The following CFAP77 variants were observed in gnomAD, a reference collection of about 807,000 sequenced individuals.
The protein encoded by CFAP77 is cilia and flagella associated protein 77, also known as cilia- and flagella-associated protein 77.
A neutral mutation model predicts 31.1 loss-of-function variants in CFAP77; 25 were observed. The observed-to-expected ratio is 0.80, with a 90% CI of 0.59 to 1.12. CFAP77 has a LOEUF of 1.12. CFAP77 is among the 50% of genes most tolerant of loss of function. CFAP77 has a pLI of 0.00. For synonymous variants in CFAP77, 151 were observed against 159.9 expected (o/e 0.94, Z 0.42); for missense variants, 377 against 397.3 (o/e 0.95, Z 0.44).
At position 132,480,882 on chromosome 9, in the gene CFAP77, A is replaced by G. The variant is rs1408581785; in HGVS notation, c.196-17813A>G. 1.3e-5 allele frequency among the ~76,000 whole-genome samples: 2 copies of G among 152,124 alleles called. No homozygotes were observed. The highest frequency in any genetic ancestry group is 2.4e-5 in the African/African-American group (1 of 41,430). On this transcript the variant is annotated intron_variant, in intron 1 of 5. Coordinates refer to ENST00000393216, the MANE Select transcript of CFAP77 (RefSeq NM_001282957.2). The surrounding 1 kb of genome is among the most constrained non-coding windows in gnomAD (Gnocchi z 5.8). ...GAGCGAGAGGGCATAAGATGAGGCC[A>G]AGGCTAGGAGCAGAGGTGCCCCCAT...
intron 3 of CFAP77, among the ~76,000 whole-genome samples, chr9:132,506,203 G>T (rs1195349262): frequency 6.6e-6 from 1 of 152,176 alleles, no homozygotes; most frequent in South Asian, 2.1e-4. Context: ...CAGAATTCAA[G>T]TCAGGGAAGA....
intron 3 of CFAP77, among the ~76,000 whole-genome samples, chr9:132,510,376 CG>C (rs1852014848): frequency 1.3e-5 from 2 of 152,242 alleles, no homozygotes; most frequent in African/African-American, 4.8e-5. Context: ...CTGGCCCGGC[CG>C]TGGGCCTCTT....
rs149706600 is a variant in CFAP77 at position 132,499,559 on chromosome 9, G to A, written c.483G>A (p.Pro161=). ...ATGACCGGCGCATGAAGAAAGAGCCGCCCCCTCTCCCTCCAAACATGACAT... is the reference window on the plus strand; with the variant it reads ...ATGACCGGCGCATGAAGAAAGAGCCACCCCCTCTCCCTCCAAACATGACAT... ...DQDDRRMKKE[P]PPLPPNMTFG... is the part of the protein sequence containing the mutation. Residue 161 remains proline, a synonymous_variant, in exon 3 of 6, where the codon CCG becomes CCA. Coordinates refer to ENST00000393216, the MANE Select transcript of CFAP77 (RefSeq NM_001282957.2). This position sits in a 1 kb window ranked among gnomAD's most constrained non-coding sequence, Gnocchi z 5.4. 3.4e-4 allele frequency: 545 copies of A among 1,614,194 alleles called. No individual in the cohort carries two copies. The African/African-American group carries it at 5.4e-3, about 16-fold the overall frequency.
At chr9:132,512,739 G>A (rs1474181849) in intron 3 of CFAP77, among the ~76,000 whole-genome samples, 1 of 152,202 alleles carries the variant, frequency 6.6e-6, no homozygotes, top group Non-Finnish European at 1.5e-5. Context: ...CTAAGGTCAG[G>A]AGTTTGAAAC....
intron 5 of CFAP77, among the ~76,000 whole-genome samples, chr9:132,560,691 G>A (rs1297480474): frequency 6.6e-6 from 1 of 152,188 alleles, no homozygotes; most frequent in Non-Finnish European, 1.5e-5. Context: ...TCACTTAGTA[G>A]CTGGGTGTCC....
At chr9:132,430,668 A>G (rs1850397149) in intron 1 of CFAP77, among the ~76,000 whole-genome samples, 1 of 152,196 alleles carries the variant, frequency 6.6e-6, no homozygotes, top group East Asian at 1.9e-4. Context: ...ACCTCAGTCA[A>G]TATGTCAGAA....
chr9:132,533,896 G>GAAAAGA lies in CFAP77; in HGVS notation c.525-3697_525-3692dup, dbSNP rs1333947672. 1.1e-3 allele frequency among the ~76,000 whole-genome samples: 173 copies of GAAAAGA among 152,194 alleles called. 1 individual carries two copies. The highest frequency in any genetic ancestry group is 4.1e-3 in the African/African-American group (169 of 41,544). ...ACTCTATCTCAAAAAGAAAAAAAAG[G>GAAAAGA]AAAAGAAAAAGAAGTAATTTGACAA... On this transcript the variant is annotated intron_variant, in intron 3 of 5. Transcript: ENST00000393216.
At chr9:132,443,402 T>C (rs1207577658) in intron 1 of CFAP77, among the ~76,000 whole-genome samples, 1 of 152,040 alleles carries the variant, frequency 6.6e-6, no homozygotes, top group Non-Finnish European at 1.5e-5. Flanking sequence ...TACAGGCATG[T>C]GCTACCACAC....
chr9:132,440,440 C>G (rs1339491950), intron 1 of CFAP77, among the ~76,000 whole-genome samples: 1 of 152,142 alleles, frequency 6.6e-6, no homozygotes, highest in African/African-American at 2.4e-5. Flanking sequence ...CTCATCAAAT[C>G]CTCTTAACAA....
intron 1 of CFAP77, among the ~76,000 whole-genome samples, chr9:132,449,417 G>C (rs1850784064): frequency 6.6e-6 from 1 of 150,626 alleles, no homozygotes; most frequent in South Asian, 2.1e-4. Context: ...GATATAAATG[G>C]AGCCATAGAG....
At position 132,499,496 on chromosome 9, in the gene CFAP77, C is replaced by T. The variant is rs894847836; in HGVS notation, c.420C>T (p.Leu140=). Reference sequence around the variant, plus strand: ...TGGTGACTGCCCGGGAGAACTTGCTCTACCGTCAGCTCAATGACATCCGCA... The same window carrying T: ...TGGTGACTGCCCGGGAGAACTTGCTTTACCGTCAGCTCAATGACATCCGCA... ...AGLVTARENL[L]YRQLNDIRIS... is the part of the protein sequence containing the mutation. The change falls in exon 3 of 6, where the codon CTC becomes CTT. Residue 140 remains leucine (L), a synonymous_variant. Transcript: ENST00000393216. The surrounding 1 kb of genome is among the most constrained non-coding windows in gnomAD (Gnocchi z 5.4). 1.2e-6 allele frequency: 2 copies of T among 1,614,210 alleles called. No homozygotes were observed. The highest frequency in any genetic ancestry group is 1.7e-6 in the Non-Finnish European group (2 of 1,180,040).
chr9:132,497,193 T>C lies in CFAP77; in HGVS notation c.196-1502T>C, dbSNP rs1053379473. On this transcript the variant is annotated intron_variant, in intron 1 of 5. Coordinates refer to ENST00000393216, the MANE Select transcript of CFAP77 (RefSeq NM_001282957.2). The surrounding 1 kb of genome is among the most constrained non-coding windows in gnomAD (Gnocchi z 4.9). ...GCAAAGCTGCAGGGCTGGGTGGGGTTGGAGGGTGCAGGGCCTGGACTGCCA... is the reference window on the plus strand; with the variant it reads ...GCAAAGCTGCAGGGCTGGGTGGGGTCGGAGGGTGCAGGGCCTGGACTGCCA... Among the ~76,000 whole-genome samples, 1 of 151,658 alleles carries C rather than the reference T, an allele frequency of 6.6e-6. No homozygotes were observed. The highest frequency in any genetic ancestry group is 1.5e-5 in the Non-Finnish European group (1 of 67,948).
intron 5 of CFAP77, among the ~76,000 whole-genome samples, chr9:132,561,365 T>TC (rs138399407): frequency 0.052 from 7,877 of 151,134 alleles, 275 homozygotes; most frequent in Non-Finnish European, 0.082. Context: ...AAATCTGTTT[T>TC]CCCCCCCCAA....
chr9:132,568,029 T>A (rs1829907372), intron 5 of CFAP77, among the ~76,000 whole-genome samples: 1 of 152,118 alleles, frequency 6.6e-6, no homozygotes, highest in Non-Finnish European at 1.5e-5. Flanking sequence ...CTGGGAGTCA[T>A]GGTTCAGCTC....
intron 1 of CFAP77, among the ~76,000 whole-genome samples, chr9:132,449,200 G>A (rs999414524): frequency 6.6e-6 from 1 of 152,120 alleles, no homozygotes; most frequent in African/African-American, 2.4e-5. Context: ...GTGCAATCAC[G>A]TAACCTCCAT....
At chr9:132,504,740 TA>T (rs1442951171) in intron 3 of CFAP77, among the ~76,000 whole-genome samples, 1 of 152,248 alleles carries the variant, frequency 6.6e-6, no homozygotes, top group Non-Finnish European at 1.5e-5. Flanking sequence ...AAATGGAGGT[TA>T]AATGGCTTCT....
intron 3 of CFAP77, among the ~76,000 whole-genome samples, chr9:132,525,147 G>A (rs1564240655): frequency 6.6e-6 from 1 of 150,880 alleles, no homozygotes; most frequent in Non-Finnish European, 1.5e-5. Flanking sequence ...AGCCTCCTGA[G>A]TAGCCGGGAC....
At chr9:132,563,730 C>T (rs138584360) in intron 5 of CFAP77, among the ~76,000 whole-genome samples, 15 of 152,344 alleles carry the variant, frequency 9.8e-5, no homozygotes, top group African/African-American at 2.2e-4. Flanking sequence ...TACGAATGAA[C>T]ACACTCGCTG....
intron 1 of CFAP77, among the ~76,000 whole-genome samples, chr9:132,458,342 C>CGGGGG (rs1554738844): frequency 4.2e-5 from 3 of 71,214 alleles, no homozygotes; most frequent in African/African-American, 1.7e-4. Context: ...GTCTCCCTGG[C>CGGGGG]GGGGGAGGGG....
Sources: allele counts gnomAD v4.1 joint callset (sites outside exome capture counted in the v4.1 genomes callset), GRCh38; gene constraint gnomAD v4.1.1; non-coding constraint Gnocchi (gnomAD v3.1); transcripts MANE v1.5; gene names NCBI Gene and HGNC (gene_info 2026-07-23, HGNC 2026-07-21).